The following QSOX2 variants were observed in gnomAD, a reference collection of about 807,000 sequenced individuals.
The protein encoded by QSOX2 is sulfhydryl oxidase 2.
QSOX2 carries 46 observed loss-of-function variants against 61.7 expected under a neutral mutation model. The ratio of observed to expected loss-of-function variants is 0.75; its 90% CI spans 0.59 to 0.95. The LOEUF (loss-of-function observed/expected upper bound fraction) is 0.95. Among genes scored for constraint, QSOX2 ranks in the 40% least tolerant of loss-of-function variants. The pLI is 0.00. For synonymous variants in QSOX2, 383 were observed against 388.4 expected (o/e 0.99, Z 0.16); for missense variants, 879 against 918.9 (o/e 0.96, Z 0.56).
chr9:136,207,349 T>A lies in QSOX2; in HGVS notation c.*1379A>T, dbSNP rs1831778175. Reference sequence around the variant, plus strand: ...GAAAAAATATCTACAACCGTCAAAGTCTCTCTCTCTCTCATACACACACAC... The same window carrying A: ...GAAAAAATATCTACAACCGTCAAAGACTCTCTCTCTCTCATACACACACAC... On this transcript the variant is annotated 3_prime_UTR_variant, in exon 12 of 12. Coordinates refer to ENST00000358701, the MANE Select transcript of QSOX2 (RefSeq NM_181701.4). 8.0e-6 allele frequency: 1 copy of A among 125,146 alleles called. No homozygotes were observed. Among genetic ancestry groups the A allele is most frequent in the African/African-American group, 3.1e-5 (1 of 32,720 alleles). The allele number at this position is 125,146 out of a possible 1,614,324, so 7.8% of individuals were successfully genotyped here.
In QSOX2 at chr9:136,222,221, C is replaced by T. The variant is rs542071336; in HGVS notation, c.676-280G>A. Among the ~76,000 whole-genome samples the T allele has an allele frequency of 1.3e-5, 2 of 152,308 alleles. No homozygotes were observed. The highest frequency in any genetic ancestry group is 2.1e-4 in the South Asian group (1 of 4,826). On this transcript the variant is annotated intron_variant, in intron 5 of 11. Coordinates refer to ENST00000358701, the MANE Select transcript of QSOX2 (RefSeq NM_181701.4). The surrounding 1 kb of genome is among the most constrained non-coding windows in gnomAD (Gnocchi z 6.9). ...TTTGCACTTGACTTTCTAAAACCAG[C>T]GCGCCCCCCACAACACTGATACTGG...
intron 10 of QSOX2, among the ~76,000 whole-genome samples, chr9:136,214,813 C>T (rs1318213470): frequency 6.6e-6 from 1 of 152,214 alleles, no homozygotes; most frequent in Non-Finnish European, 1.5e-5. Flanking sequence ...ATGAGAACAC[C>T]TCTCCAAACA....
intron 1 of QSOX2, among the ~76,000 whole-genome samples, chr9:136,228,590 T>C (rs1830303504): frequency 6.6e-6 from 1 of 152,216 alleles, no homozygotes; most frequent in Admixed American, 6.5e-5. Context: ...CTGGCTATCC[T>C]GGAGCCTGGA....
chr9:136,237,990 C>T (rs1394874239), intron 1 of QSOX2, among the ~76,000 whole-genome samples: 1 of 152,244 alleles, frequency 6.6e-6, no homozygotes, highest in Non-Finnish European at 1.5e-5. Flanking sequence ...AAGAAAACCA[C>T]AACCTTTGGG....
chr9:136,232,530 A>G (rs1365495949), intron 1 of QSOX2, among the ~76,000 whole-genome samples: 1 of 152,238 alleles, frequency 6.6e-6, no homozygotes, highest in East Asian at 1.9e-4. Context: ...ACCACAAAAT[A>G]TATACAAATC....
At chr9:136,219,273 AT>A (rs1831953228) in intron 6 of QSOX2, 109 bp from the exon 7 acceptor site, 9 of 1,347,682 alleles carry the variant, frequency 6.7e-6, no homozygotes, top group Non-Finnish European at 7.9e-6. Context: ...TCCTTTGGGC[AT>A]TTATTGGGGC....
intron 11 of QSOX2, chr9:136,210,569 G>C: frequency 8.1e-6 from 8 of 985,462 alleles, no homozygotes; most frequent in Non-Finnish European, 9.6e-6. Flanking sequence ...AAACCCCGCA[G>C]ACACACAGCG....
Position 136,224,014 on chromosome 9 carries a change from G to T in QSOX2, c.577C>A (p.Pro193Thr). 6.2e-7 allele frequency: 1 copy of T among 1,613,542 alleles called. No homozygotes were observed. The highest frequency in any genetic ancestry group is 8.5e-7 in the Non-Finnish European group (1 of 1,179,598). ...SRPPACPRLD[P>T]IQPSDVLSLL... is the part of the protein sequence containing the mutation. ...CTTCATGGAGCTACTCACTGAATGG[G>T]GTCTAGGCGCGGGCAGGCAGGGGGC... Residue 193 changes from proline to threonine, a missense_variant, in exon 4 of 12, where the codon CCC (proline) becomes ACC (threonine). Coordinates refer to ENST00000358701, the MANE Select transcript of QSOX2 (RefSeq NM_181701.4).
intron 2 of QSOX2, 101 bp downstream of exon 2, chr9:136,226,673 A>G (rs780249094): frequency 3.4e-5 from 32 of 932,574 alleles, no homozygotes; most frequent in Non-Finnish European, 5.4e-5. Flanking sequence ...CACAGGCACT[A>G]TGATGTGGCG....
chr9:136,212,500 ACTT>A (rs1831859035), intron 10 of QSOX2, among the ~76,000 whole-genome samples: 1 of 152,218 alleles, frequency 6.6e-6, no homozygotes, highest in African/African-American at 2.4e-5. Context: ...AAATCCCGAC[ACTT>A]CTTGTTTATT....
intron 1 of QSOX2, among the ~76,000 whole-genome samples, chr9:136,244,182 C>T (rs1487114343): frequency 4.6e-5 from 7 of 152,266 alleles, no homozygotes; most frequent in African/African-American, 1.7e-4. Context: ...GGGTTCCCTA[C>T]GTGATTGAAT....
Position 136,221,721 on chromosome 9 carries a change from T to C in QSOX2, c.821+75A>G. On this transcript the variant is annotated intron_variant, in intron 6 of 11. Coordinates refer to ENST00000358701, the MANE Select transcript of QSOX2 (RefSeq NM_181701.4). This position sits in a 1 kb window ranked among gnomAD's most constrained non-coding sequence, Gnocchi z 4.5. ...GGCTCCCCCGATCTCACACCAGACT[T>C]GCACTGTCTACTCGGAGCCTCTGTC... The C allele has an allele frequency of 6.8e-7, 1 of 1,463,358 alleles. No individual in the cohort carries two copies. The highest frequency in any genetic ancestry group is 1.4e-5 in the African/African-American group (1 of 70,610). The allele number at this position is 1,463,358 out of a possible 1,614,324, so 90.6% of individuals were successfully genotyped here.
At chr9:136,239,162 TA>T (rs1186611156) in intron 1 of QSOX2, among the ~76,000 whole-genome samples, 2 of 152,240 alleles carry the variant, frequency 1.3e-5, no homozygotes, top group African/African-American at 4.8e-5. Flanking sequence ...TTCATTTTTC[TA>T]GGAGTTACAA....
intron 10 of QSOX2, among the ~76,000 whole-genome samples, chr9:136,212,650 C>G (rs1439162889): frequency 6.6e-6 from 1 of 152,254 alleles, no homozygotes. Flanking sequence ...CCCTGCTCTC[C>G]TGCCGGGAGG....
In QSOX2 at chr9:136,219,023, C is replaced by T; in HGVS notation, c.956+7G>A. On this transcript the variant is annotated splice_region_variant and intron_variant, in intron 7 of 11. Transcript: ENST00000358701. ...TCCGGGGGCTTCAGTTCAAGAGGAA[C>T]ACTTGCTTGTCAAATTCTCTCCAAA... 2 of 1,613,940 alleles carry T rather than the reference C, an allele frequency of 1.2e-6. No homozygotes were observed. Among genetic ancestry groups the T allele is most frequent in the Non-Finnish European group, 1.7e-6 (2 of 1,179,924 alleles).
chr9:136,210,360 G>A, intron 11 of QSOX2: 2 of 985,500 alleles, frequency 2.0e-6, no homozygotes, highest in Non-Finnish European at 2.4e-6. Context: ...GCAGTCTCAT[G>A]ACTGGGGTAG....
rs1291550388 is a variant in QSOX2 at position 136,206,816 on chromosome 9, A to G, written c.*1912T>C. The G allele has an allele frequency of 1.3e-5, 2 of 152,354 alleles. No homozygotes were observed. The highest frequency in any genetic ancestry group is 2.4e-5 in the African/African-American group (1 of 41,452). 9.4% of individuals were successfully genotyped at this position (152,354 alleles called of 1,614,324 possible). On this transcript the variant is annotated 3_prime_UTR_variant, in exon 12 of 12. Transcript: ENST00000358701. ...GAAAGGCTGAAGCTGGAGACGGTAA[A>G]CCACAACACCGTCCCAGGTCACTCC...
At chr9:136,210,990 G>T (rs139873002) in intron 11 of QSOX2, 1 of 754,114 alleles carries the variant, frequency 1.3e-6, no homozygotes, top group East Asian at 1.3e-4. Flanking sequence ...AGTGGGTACC[G>T]ATGGGGGAAG....
chr9:136,238,220 A>G (rs1275479806), intron 1 of QSOX2, among the ~76,000 whole-genome samples: 1 of 152,222 alleles, frequency 6.6e-6, no homozygotes, highest in African/African-American at 2.4e-5. Flanking sequence ...TTCCTTAGCA[A>G]CAGGATGCAG....
Sources: gnomAD v4.1 joint callset for allele counts (sites outside exome capture counted in the v4.1 genomes callset) on GRCh38, gnomAD v4.1.1 for gene constraint, Gnocchi (gnomAD v3.1) non-coding constraint, MANE v1.5 for transcripts, NCBI Gene and HGNC (gene_info 2026-07-23, HGNC 2026-07-21) for gene names.